AKT3: variants seen among roughly 807,000 people sequenced by gnomAD.
AKT3 encodes the protein AKT serine/threonine kinase 3, also known as RAC-gamma serine/threonine-protein kinase.
AKT3 carries 15 observed loss-of-function variants against 65.3 expected under a neutral mutation model. The ratio of observed to expected loss-of-function variants is 0.23; its 90% CI spans 0.15 to 0.35. The LOEUF is 0.35. Ranked by LOEUF, AKT3 falls within the 10% of genes least tolerant of loss-of-function variation. The pLI is 1.00. For synonymous variants in AKT3, 206 were observed against 183.8 expected, an observed-to-expected ratio of 1.12 and a Z score of -0.98; for missense variants, 243 against 576.5, an observed-to-expected ratio of 0.42 and a Z score of 5.92.
chr1:243,849,726 G>A (rs1695679424), intron 1 of AKT3, among the ~76,000 whole-genome samples: 1 of 151,608 alleles, frequency 6.6e-6, no homozygotes, highest in Non-Finnish European at 1.5e-5. Flanking sequence ...GACACAGACG[G>A]TACCGCTAGG....
intron 3 of AKT3, among the ~76,000 whole-genome samples, chr1:243,673,543 C>T (rs921336751): frequency 6.6e-6 from 1 of 151,114 alleles, no homozygotes; most frequent in Non-Finnish European, 1.5e-5. Flanking sequence ...AAGTAAATTA[C>T]TCAGATGTAC....
rs1669953915 is a variant in AKT3 at position 243,510,603 on chromosome 1, A to C, written c.1354+1721T>G. ...GAAGAAGAGCATTCCAGGCCTGGACACCATAAATACTGTCCCCAGAGCCCG... is the reference window on the plus strand; with the variant it reads ...GAAGAAGAGCATTCCAGGCCTGGACCCCATAAATACTGTCCCCAGAGCCCG... On this transcript the variant is annotated intron_variant, in intron 13 of 13. Coordinates refer to ENST00000673466, the MANE Select transcript of AKT3 (RefSeq NM_005465.7). Among the ~76,000 whole-genome samples, 3 of 152,324 alleles carry C rather than the reference A, an allele frequency of 2.0e-5. No homozygotes were observed. In the South Asian group the frequency reaches 6.2e-4, roughly 32 times the overall value.
chr1:243,565,699 G>A (rs1558619278), intron 9 of AKT3, among the ~76,000 whole-genome samples: 1 of 151,978 alleles, frequency 6.6e-6, no homozygotes, highest in Non-Finnish European at 1.5e-5. Context: ...TTCTGCCTTG[G>A]TCTGTCTCTT....
chr1:243,698,615 C>A (rs1219174585), intron 2 of AKT3, among the ~76,000 whole-genome samples: 2 of 151,938 alleles, frequency 1.3e-5, no homozygotes, highest in Admixed American at 1.3e-4. Flanking sequence ...TATTATGCAT[C>A]CTTCAAACGT....
chr1:243,573,614 T>C (rs1170426509), intron 8 of AKT3, among the ~76,000 whole-genome samples: 2 of 152,212 alleles, frequency 1.3e-5, no homozygotes, highest in Non-Finnish European at 2.9e-5. Flanking sequence ...TTTAAGGTTT[T>C]ATGTTTTTAA....
chr1:243,633,305 A>G (rs1298093812), intron 6 of AKT3, among the ~76,000 whole-genome samples: 2 of 152,218 alleles, frequency 1.3e-5, no homozygotes, highest in South Asian at 2.1e-4. Context: ...AGTCACTTAA[A>G]GTCAGATGAA....
At chr1:243,782,579 G>A (rs980732107) in intron 2 of AKT3, among the ~76,000 whole-genome samples, 4 of 152,188 alleles carry the variant, frequency 2.6e-5, no homozygotes, top group South Asian at 4.2e-4. Context: ...ATTAGGTTTC[G>A]ACATAGGAAT....
intron 2 of AKT3, among the ~76,000 whole-genome samples, chr1:243,784,323 G>A (rs1309911392): frequency 6.6e-6 from 1 of 151,876 alleles, no homozygotes; most frequent in Non-Finnish European, 1.5e-5. Flanking sequence ...GGGAATGAGG[G>A]GGTGAGTATG....
At chr1:243,719,765 T>A (rs756487810) in intron 2 of AKT3, among the ~76,000 whole-genome samples, 1 of 152,144 alleles carries the variant, frequency 6.6e-6, no homozygotes, top group Admixed American at 6.5e-5. Context: ...CAGATGTTCA[T>A]GACCCAAGCC....
At chr1:243,642,477 T>G (rs542428659) in intron 5 of AKT3, among the ~76,000 whole-genome samples, 37 of 152,028 alleles carry the variant, frequency 2.4e-4, no homozygotes, top group African/African-American at 8.2e-4. Flanking sequence ...GCCTGGTTAA[T>G]TTTTTGTATT....
intron 2 of AKT3, among the ~76,000 whole-genome samples, chr1:243,732,752 AGT>A (rs1218406017): frequency 6.6e-6 from 1 of 152,226 alleles, no homozygotes; most frequent in Non-Finnish European, 1.5e-5. Flanking sequence ...TGTATATTCA[AGT>A]GATTAGCAAG....
rs142499328 is a variant in AKT3 at position 243,811,204 on chromosome 1, T to A, written c.46+31921A>T. Among the ~76,000 whole-genome samples, 647 of 152,170 alleles carry A rather than the reference T, an allele frequency of 4.3e-3. 5 individuals carry two copies. Among genetic ancestry groups the A allele is most frequent in the Middle Eastern group, 0.01 (3 of 294 alleles). On this transcript the variant is annotated intron_variant, in intron 2 of 13. Transcript: ENST00000673466. ...TCAGGCAGGAGAAAGAAATAAAGGG[T>A]ATTCAGTTAGGAAAAGAGGAAGTCA...
At chr1:243,740,319 G>A (rs370041914) in intron 2 of AKT3, among the ~76,000 whole-genome samples, 10 of 152,148 alleles carry the variant, frequency 6.6e-5, no homozygotes, top group East Asian at 5.8e-4. Context: ...TGAGAAAAGC[G>A]TTTGCCCCCC....
At chr1:243,691,168 C>T (rs528484821) in intron 3 of AKT3, among the ~76,000 whole-genome samples, 5 of 152,272 alleles carry the variant, frequency 3.3e-5, no homozygotes, top group South Asian at 2.1e-4. Context: ...AAAGGACATT[C>T]CAATCGAAGG....
intron 6 of AKT3, among the ~76,000 whole-genome samples, chr1:243,625,588 T>C (rs1261840459): frequency 6.6e-6 from 1 of 152,058 alleles, no homozygotes; most frequent in East Asian, 1.9e-4. Context: ...AAACAGACAG[T>C]ATATCTATGG....
chr1:243,585,108 A>T (rs1276955899), intron 8 of AKT3, among the ~76,000 whole-genome samples: 1 of 152,090 alleles, frequency 6.6e-6, no homozygotes, highest in Non-Finnish European at 1.5e-5. Context: ...TACTGATAAC[A>T]TCCAAGCTGA....
intron 8 of AKT3, among the ~76,000 whole-genome samples, chr1:243,606,152 C>T (rs922011450): frequency 4.6e-5 from 7 of 152,112 alleles, no homozygotes; most frequent in African/African-American, 1.7e-4. Flanking sequence ...AGCATGAGAA[C>T]AGAGAATGGA....
intron 2 of AKT3, among the ~76,000 whole-genome samples, chr1:243,840,111 C>T (rs1450096057): frequency 2.0e-5 from 3 of 152,074 alleles, no homozygotes; most frequent in Non-Finnish European, 4.4e-5. Context: ...GCGGAGGTTG[C>T]AGTGAGCCGA....
chr1:243,813,576 G>C (rs1232252873), intron 2 of AKT3, among the ~76,000 whole-genome samples: 1 of 151,750 alleles, frequency 6.6e-6, no homozygotes, highest in Non-Finnish European at 1.5e-5. Flanking sequence ...TTATTTTCTA[G>C]AATAAAACAG....
Sources: gnomAD v4.1 joint callset for allele counts (sites outside exome capture counted in the v4.1 genomes callset) on GRCh38, gnomAD v4.1.1 for gene constraint, MANE v1.5 for transcripts, NCBI Gene and HGNC (gene_info 2026-07-23, HGNC 2026-07-21) for gene names.